The following HERC6 variants were observed in gnomAD, a reference collection of about 807,000 sequenced individuals.
HERC6 encodes the protein HECT and RLD domain containing E3 ubiquitin protein ligase family member 6.
Under a neutral mutation model 114.5 loss-of-function variants are expected in HERC6, and 101 were observed. The ratio of observed to expected loss-of-function variants is 0.88; its 90% CI spans 0.75 to 1.04. The LOEUF (loss-of-function observed/expected upper bound fraction) is 1.04. Ranked by LOEUF, HERC6 falls within the 50% of genes least tolerant of loss-of-function variation. The pLI is 0.00. For synonymous variants in HERC6, 408 were observed against 436.2 expected (o/e 0.94, Z 0.81); for missense variants, 1,133 against 1,230.9 (o/e 0.92, Z 1.19).
intron 12 of HERC6, among the ~76,000 whole-genome samples, chr4:88,416,445 A>T (rs571346583): frequency 6.9e-4 from 105 of 152,028 alleles, no homozygotes; most frequent in Non-Finnish European, 1.1e-3. Flanking sequence ...GCTATTAAAA[A>T]TTTTTTTTTA....
intron 19 of HERC6, 89 bp downstream of exon 19, chr4:88,437,060 C>CCT: frequency 1.3e-6 from 1 of 757,402 alleles, no homozygotes; most frequent in Non-Finnish European, 2.0e-6. Context: ...TTTGGGATCC[C>CCT]TTTTTTTTTT....
intron 8 of HERC6, among the ~76,000 whole-genome samples, chr4:88,401,467 G>A (rs1429683177): frequency 6.7e-6 from 1 of 150,080 alleles, no homozygotes; most frequent in Admixed American, 6.6e-5. Flanking sequence ...CTCCAGCCTG[G>A]GCGACAGAAC....
In HERC6 at chr4:88,388,616, G is replaced by A. The variant is rs564052343; in HGVS notation, c.437-2036G>A. 5.9e-5 allele frequency among the ~76,000 whole-genome samples: 9 copies of A among 151,712 alleles called. No homozygotes were observed. In the East Asian group the frequency reaches 1.5e-3, roughly 26 times the overall value. On this transcript the variant is annotated intron_variant, in intron 3 of 22. Transcript: ENST00000264346. ...ACATATTAATTTATTAATATGCATA[G>A]GGGAGAACCATAGAGCAATTACCCC...
chr4:88,412,398 G>T (rs1736159283), intron 11 of HERC6, among the ~76,000 whole-genome samples: 3 of 152,158 alleles, frequency 2.0e-5, no homozygotes, highest in Admixed American at 1.3e-4. Context: ...CTGAGCCCAA[G>T]AGTTTGAGAC....
chr4:88,396,022 A>G lies in HERC6; in HGVS notation c.767A>G (p.Lys256Arg). The G allele has an allele frequency of 6.3e-7, 1 of 1,593,092 alleles. No homozygotes were observed. The highest frequency in any genetic ancestry group is 8.5e-7 in the Non-Finnish European group (1 of 1,170,328). ...AHTAVLTQDGKVFTFGDNRSG... is the reference protein window; with the variant it reads ...AHTAVLTQDGRVFTFGDNRSG... Reference sequence around the variant, plus strand: ...TCTTCCTTTGCTAAGCAGGACGGGAAAGTGTTCACATTTGGAGACAATCGC... The same window carrying G: ...TCTTCCTTTGCTAAGCAGGACGGGAGAGTGTTCACATTTGGAGACAATCGC... The change falls in exon 6 of 23, where the codon AAA (lysine) becomes AGA (arginine). Residue 256 changes from lysine (K) to arginine (R), a missense_variant. Physicochemically the swap from Lys to Arg is conservative, Grantham distance 26 (BLOSUM62 2). Transcript: ENST00000264346.
rs1248042598 is a variant in HERC6, at chr4:88,379,007, C to A, written c.86C>A (p.Ala29Asp). 1.9e-6 allele frequency: 3 copies of A among 1,573,204 alleles called. No individual in the cohort carries two copies. The highest frequency in any genetic ancestry group is 2.6e-6 in the Non-Finnish European group (3 of 1,161,162). ...GSPGAELLQA[A>D]SGERHSLLLL... is the part of the protein sequence containing the mutation. ...CCCGGGGCTGAGCTACTGCAGGCGGCCAGCGGGGAGCGCCACTCTCTGCTG... is the reference window on the plus strand; with the variant it reads ...CCCGGGGCTGAGCTACTGCAGGCGGACAGCGGGGAGCGCCACTCTCTGCTG... The change falls in exon 1 of 23, where the codon GCC becomes GAC. Residue 29 changes from alanine (A) to aspartate (D), a missense_variant. Ala to Asp is a moderately radical substitution (Grantham distance 126). Transcript: ENST00000264346.
rs1472874582 is a variant in HERC6 at position 88,424,632 on chromosome 4, A to AT, written c.1869dup (p.Pro624SerfsTer5). 6.2e-7 allele frequency: 1 copy of AT among 1,611,498 alleles called. No homozygotes were observed. The highest frequency in any genetic ancestry group is 8.5e-7 in the Non-Finnish European group (1 of 1,178,528). On this transcript the variant is annotated frameshift_variant, in exon 15 of 23. Transcript: ENST00000264346. LOFTEE classifies it high-confidence loss of function. ...ACCCCCAGTCCTGTTATTTTCAGTG[A>AT]TTTTCCATTTATCTTTAATTCGCTA... is the stretch of plus-strand genomic sequence containing the variant.
At chr4:88,405,413 G>C in intron 9 of HERC6, 141 bp from the exon 10 acceptor site, 1 of 468,504 alleles carries the variant, frequency 2.1e-6, no homozygotes, top group Non-Finnish European at 3.8e-6. Context: ...GTATACCCAG[G>C]ATTTGGGAGA....
chr4:88,415,689 G>A (rs1167940103), intron 12 of HERC6, among the ~76,000 whole-genome samples: 3 of 152,248 alleles, frequency 2.0e-5, no homozygotes, highest in Middle Eastern at 3.4e-3. Context: ...AGATTGTGCC[G>A]GTTTTTGTAT....
At chr4:88,390,583 T>A in intron 3 of HERC6, 69 bp from the exon 4 acceptor site, 1 of 1,326,650 alleles carries the variant, frequency 7.5e-7, no homozygotes. Flanking sequence ...ATTTGTAGAA[T>A]TAGTAGTTTC....
chr4:88,397,067 A>G, intron 7 of HERC6, 80 bp downstream of exon 7: 1 of 1,335,182 alleles, frequency 7.5e-7, no homozygotes, highest in Non-Finnish European at 1.0e-6. Flanking sequence ...CTTTCAAAGG[A>G]TCCTACAGAA....
intron 12 of HERC6, among the ~76,000 whole-genome samples, chr4:88,414,314 T>C (rs1019132258): frequency 3.9e-5 from 6 of 151,990 alleles, no homozygotes; most frequent in Middle Eastern, 3.4e-3. Context: ...CTACCAATTT[T>C]TTTTTTTTTA....
At chr4:88,390,472 A>G (rs1157521433) in intron 3 of HERC6, among the ~76,000 whole-genome samples, 180 bp from the exon 4 acceptor site, 1 of 152,226 alleles carries the variant, frequency 6.6e-6, no homozygotes, top group East Asian at 1.9e-4. Context: ...GATTGCGACA[A>G]TCATTTAACA....
At chr4:88,389,634 T>G (rs946529556) in intron 3 of HERC6, among the ~76,000 whole-genome samples, 68 of 151,414 alleles carry the variant, frequency 4.5e-4, no homozygotes, top group African/African-American at 1.6e-3. Context: ...GGGAGAAGAG[T>G]GGACATTGTT....
intron 11 of HERC6, among the ~76,000 whole-genome samples, chr4:88,410,285 GC>G (rs1191093781): frequency 1.1e-4 from 17 of 152,232 alleles, no homozygotes; most frequent in African/African-American, 3.9e-4. Context: ...GCAGGGAGGG[GC>G]CTTCCAGGTC....
At chr4:88,386,770 C>T (rs1734608161) in intron 3 of HERC6, among the ~76,000 whole-genome samples, 1 of 152,172 alleles carries the variant, frequency 6.6e-6, no homozygotes, top group Non-Finnish European at 1.5e-5. Context: ...TCTTCTCTCC[C>T]TGGTACAGTA....
intron 8 of HERC6, among the ~76,000 whole-genome samples, chr4:88,404,444 C>T (rs1735710533): frequency 6.6e-6 from 1 of 152,166 alleles, no homozygotes; most frequent in Admixed American, 6.5e-5. Context: ...TTGCCTCAGC[C>T]TCCCAAAGTG....
At chr4:88,435,916 G>A in intron 18 of HERC6, 25 bp downstream of exon 18, 1 of 1,554,380 alleles carries the variant, frequency 6.4e-7, no homozygotes, top group African/African-American at 1.4e-5. Context: ...CGTTTTTTCA[G>A]GACCGTATCT....
chr4:88,398,505 C>T (rs1735367438), intron 8 of HERC6: 1 of 220,092 alleles, frequency 4.5e-6, no homozygotes, highest in African/African-American at 2.3e-5. Context: ...CTTGTGTCAA[C>T]AGCAGCTGTT....
Sources: gnomAD v4.1 joint callset for allele counts (sites outside exome capture counted in the v4.1 genomes callset) on GRCh38, gnomAD v4.1.1 for gene constraint, MANE v1.5 for transcripts, NCBI Gene and HGNC (gene_info 2026-07-23, HGNC 2026-07-21) for gene names.